The following PTPRF variants were observed in gnomAD, a reference collection of about 807,000 sequenced individuals.
PTPRF encodes the protein receptor-type tyrosine-protein phosphatase F.
PTPRF carries 59 observed loss-of-function variants against 201.8 expected under a neutral mutation model. The ratio of observed to expected loss-of-function variants is 0.29; its 90% CI spans 0.24 to 0.36. PTPRF has a LOEUF of 0.36. Among genes scored for constraint, PTPRF ranks in the 10% least tolerant of loss-of-function variants. The pLI, the probability that PTPRF is intolerant of heterozygous loss-of-function variation, is 1.00. For missense variants in PTPRF, 2,132 were observed against 2,690.5 expected (o/e 0.79, Z 4.59); for synonymous variants, 1,088 against 1,089.7 (o/e 1.00, Z 0.03).
chr1:43,596,800 A>T (rs1557807826), intron 11 of PTPRF, among the ~76,000 whole-genome samples: 1 of 152,122 alleles, frequency 6.6e-6, no homozygotes. Flanking sequence ...GCTTGTGTGT[A>T]TGTGATATCG....
chr1:43,564,243 G>T (rs954435068), intron 5 of PTPRF, among the ~76,000 whole-genome samples: 6 of 152,184 alleles, frequency 3.9e-5, no homozygotes, highest in Admixed American at 3.3e-4. Context: ...GGAGCGTGCA[G>T]ATCTGGCAGC....
At position 43,553,658 on chromosome 1, in the gene PTPRF, G is replaced by T. The variant is rs368242912; in HGVS notation, c.237+21G>T. The T allele has an allele frequency of 6.2e-7, 1 of 1,613,630 alleles. No homozygotes were observed. Among genetic ancestry groups the T allele is most frequent in the East Asian group, 2.2e-5 (1 of 44,874 alleles). Reference sequence around the variant, plus strand: ...TCGAGGTGCGTCTGTGGTGGGAAGGGGTCGGCAGGGCTCAGGGTCTGCCCA... The same window carrying T: ...TCGAGGTGCGTCTGTGGTGGGAAGGTGTCGGCAGGGCTCAGGGTCTGCCCA... On this transcript the variant is annotated intron_variant, in intron 4 of 33. Transcript: ENST00000359947. The surrounding 1 kb of genome is among the most constrained non-coding windows in gnomAD (Gnocchi z 4.1).
At chr1:43,620,668 A>G in intron 31 of PTPRF, 89 bp downstream of exon 31, 1 of 1,560,932 alleles carries the variant, frequency 6.4e-7, no homozygotes, top group Non-Finnish European at 8.7e-7. Context: ...CTCAAGCTTC[A>G]GAAATCTGAG....
chr1:43,559,325 G>A (rs181713127), intron 5 of PTPRF, among the ~76,000 whole-genome samples: 19 of 152,306 alleles, frequency 1.2e-4, no homozygotes, highest in African/African-American at 4.1e-4. Flanking sequence ...TATGCAGCGC[G>A]CAGTGTTTGT....
At chr1:43,524,525 T>G (rs1245375947), upstream of PTPRF, among the ~76,000 whole-genome samples, 1 of 151,934 alleles carries the variant, frequency 6.6e-6, no homozygotes, top group African/African-American at 2.4e-5. Flanking sequence ...ATAAAGTTGA[T>G]GGAGAAATGG....
intron 6 of PTPRF, among the ~76,000 whole-genome samples, chr1:43,577,843 G>C (rs1647030573): frequency 6.6e-6 from 1 of 152,174 alleles, no homozygotes; most frequent in South Asian, 2.1e-4. Context: ...TTGTTCCAGG[G>C]AGGGGTGTGC....
At chr1:43,592,356 G>A (rs991489840) in intron 10 of PTPRF, 101 bp from the exon 11 acceptor site, 11 of 1,399,970 alleles carry the variant, frequency 7.9e-6, no homozygotes, top group Middle Eastern at 1.8e-4. Context: ...TCCTGGAGCC[G>A]TGGTGGGTCC....
Position 43,553,877 on chromosome 1 carries a change from T to C in PTPRF, c.315T>C (p.Tyr105=). The C allele has an allele frequency of 1.2e-6, 2 of 1,614,194 alleles. No individual in the cohort carries two copies. Among genetic ancestry groups the C allele is most frequent in the Non-Finnish European group, 1.7e-6 (2 of 1,180,028 alleles). ...PLRVQRDEAI[Y]ECTATNSLGE... ...GGGTGCAGCGAGATGAAGCCATCTA[T>C]GAGTGTACAGCTACTAACAGCCTGG... Residue 105 remains tyrosine, a synonymous_variant, in exon 5 of 34, where the codon TAT becomes TAC. Transcript: ENST00000359947. The surrounding 1 kb of genome is among the most constrained non-coding windows in gnomAD (Gnocchi z 4.1).
intron 23 of PTPRF, among the ~76,000 whole-genome samples, chr1:43,615,768 G>A (rs567794872): frequency 1.8e-4 from 27 of 151,762 alleles, no homozygotes; most frequent in Middle Eastern, 3.4e-3. Flanking sequence ...GGGTTTCACC[G>A]TGTTAGCCAG....
chr1:43,580,538 G>T (rs903247076), intron 7 of PTPRF, among the ~76,000 whole-genome samples: 1 of 152,228 alleles, frequency 6.6e-6, no homozygotes, highest in Non-Finnish European at 1.5e-5. Flanking sequence ...CCTCAGGTCA[G>T]CTTGTCTGTC....
intron 5 of PTPRF, among the ~76,000 whole-genome samples, chr1:43,556,565 T>C (rs1387637720): frequency 3.9e-5 from 6 of 152,208 alleles, no homozygotes; most frequent in Non-Finnish European, 8.8e-5. Context: ...GGTTACTGTT[T>C]TGCATCTGTG....
At chr1:43,524,076 G>GAAGA (rs1220359219), upstream of PTPRF, among the ~76,000 whole-genome samples, 1 of 127,324 alleles carries the variant, frequency 7.9e-6, no homozygotes, top group East Asian at 2.3e-4. Context: ...AAAAAAAAAG[G>GAAGA]AAGAAAGAAA....
chr1:43,602,209 C>A (rs1277179644), intron 14 of PTPRF, 112 bp downstream of exon 14: 2 of 1,323,070 alleles, frequency 1.5e-6, no homozygotes, highest in East Asian at 4.7e-5. Flanking sequence ...CCACAGGGCT[C>A]TAGCCACATC....
chr1:43,561,324 C>T (rs1004560279), intron 5 of PTPRF, among the ~76,000 whole-genome samples: 2 of 152,290 alleles, frequency 1.3e-5, no homozygotes, highest in Non-Finnish European at 2.9e-5. Context: ...CCACCTCCTT[C>T]CCTGCTCCAA....
Position 43,542,556 on chromosome 1 carries a change from C to A in PTPRF, c.-45-2475C>A, listed in dbSNP as rs1319388148. ...ACCCATGGCCAGACTCTCATCCAGG[C>A]TTGTACCACATGGGTGTCTATTCTG... On this transcript the variant is annotated intron_variant, in intron 2 of 33. Transcript: ENST00000359947. This position sits in a 1 kb window ranked among gnomAD's most constrained non-coding sequence, Gnocchi z 5.2. Among the ~76,000 whole-genome samples the A allele has an allele frequency of 6.6e-6, 1 of 152,140 alleles. No homozygotes were observed. The highest frequency in any genetic ancestry group is 1.5e-5 in the Non-Finnish European group (1 of 68,016).
chr1:43,564,512 G>A (rs902095858), intron 5 of PTPRF, among the ~76,000 whole-genome samples: 2 of 152,214 alleles, frequency 1.3e-5, no homozygotes, highest in Non-Finnish European at 2.9e-5. Context: ...GCATGCGCCT[G>A]TTTCCACAGG....
rs75135460 is a variant in PTPRF, at chr1:43,605,947, G to A, written c.3484-293G>A. Among the ~76,000 whole-genome samples, 364 of 152,316 alleles carry A rather than the reference G, an allele frequency of 2.4e-3. 7 individuals are homozygous for A. The East Asian group carries it at 0.053, about 22-fold the overall frequency. On this transcript the variant is annotated intron_variant, in intron 19 of 33. Coordinates refer to ENST00000359947, the MANE Select transcript of PTPRF (RefSeq NM_002840.5). ...TATGGAGGGCTTAGTGAGCCTTATAGCCAGGAGTCCCTGAATGTTTGAAAT... is the reference window on the plus strand; with the variant it reads ...TATGGAGGGCTTAGTGAGCCTTATAACCAGGAGTCCCTGAATGTTTGAAAT...
intron 5 of PTPRF, among the ~76,000 whole-genome samples, chr1:43,563,373 A>G (rs927148683): frequency 6.6e-6 from 1 of 152,144 alleles, no homozygotes; most frequent in Non-Finnish European, 1.5e-5. Flanking sequence ...CTGTTGAGCC[A>G]GGTGTGCGCA....
chr1:43,528,956 A>T (rs1643235126), upstream of PTPRF, among the ~76,000 whole-genome samples: 1 of 152,184 alleles, frequency 6.6e-6, no homozygotes, highest in Non-Finnish European at 1.5e-5. Flanking sequence ...GCAGAAGACG[A>T]GGTGGTAAAG....
Sources: gnomAD v4.1 joint callset for allele counts (sites outside exome capture counted in the v4.1 genomes callset) on GRCh38, gnomAD v4.1.1 for gene constraint, Gnocchi (gnomAD v3.1) non-coding constraint, MANE v1.5 for transcripts, NCBI Gene and HGNC (gene_info 2026-07-23, HGNC 2026-07-21) for gene names.